The following RPH3A variants were observed in gnomAD, a reference collection of about 807,000 sequenced individuals.
RPH3A encodes the protein rabphilin-3A.
In RPH3A, 48 loss-of-function variants were observed where a neutral mutation model predicts 102.2. The ratio of observed to expected loss-of-function variants is 0.47; its 90% CI spans 0.37 to 0.60. The LOEUF is 0.60. RPH3A is among the 20% of genes least tolerant of loss of function. The pLI is 0.00. For missense variants in RPH3A, 781 were observed against 910.1 expected (o/e 0.86, Z 1.83); for synonymous variants, 310 against 324.3 (o/e 0.96, Z 0.47).
intron 3 of RPH3A, among the ~76,000 whole-genome samples, chr12:112,828,733 C>T (rs375568557): frequency 2.0e-5 from 3 of 152,146 alleles, no homozygotes; most frequent in African/African-American, 7.2e-5. Context: ...CCCTAGTTAC[C>T]TCATCGGTCA....
chr12:112,853,315 G>C (rs140324499), intron 5 of RPH3A, among the ~76,000 whole-genome samples: 150 of 152,328 alleles, frequency 9.8e-4, no homozygotes, highest in African/African-American at 3.1e-3. Context: ...CTATGGATGG[G>C]AGTCAGGGAC....
intron 1 of RPH3A, among the ~76,000 whole-genome samples, chr12:112,712,998 C>G (rs1382000250): frequency 1.4e-5 from 1 of 74,006 alleles, no homozygotes. Context: ...TCTTTGTCTT[C>G]CTCTTCCTCT....
chr12:112,758,538 G>A (rs552871421), intron 1 of RPH3A, among the ~76,000 whole-genome samples: 4 of 152,190 alleles, frequency 2.6e-5, no homozygotes, highest in Non-Finnish European at 5.9e-5. Flanking sequence ...CACCTACTAT[G>A]TGAGAACTTT....
At chr12:112,677,979 C>G (rs1262140391) in intron 1 of RPH3A, among the ~76,000 whole-genome samples, 3 of 151,794 alleles carry the variant, frequency 2.0e-5, no homozygotes, top group Non-Finnish European at 4.4e-5. Context: ...TCACTTGAGG[C>G]CAGGAGTTCG....
At chr12:112,844,871 A>G (rs993848705) in intron 4 of RPH3A, among the ~76,000 whole-genome samples, 1 of 152,218 alleles carries the variant, frequency 6.6e-6, no homozygotes, top group East Asian at 1.9e-4. Flanking sequence ...AGCTGCAGAC[A>G]TGTCACCTGG....
chr12:112,858,284 AAAAAAAAAAAG>A (rs2042445431), intron 5 of RPH3A, among the ~76,000 whole-genome samples: 2 of 150,386 alleles, frequency 1.3e-5, no homozygotes, highest in African/African-American at 2.4e-5. Flanking sequence ...AAAAAAAAAA[AAAAAAAAAAAG>A]AAAAGAAAAG....
At position 112,828,326 on chromosome 12, in the gene RPH3A, A is replaced by C; in HGVS notation, c.8A>C (p.Asp3Ala). The change falls in exon 3 of 22, where the codon GAC (aspartate) becomes GCC (alanine). Residue 3 changes from aspartate to alanine, a missense_variant. By Grantham distance (126) the Asp-to-Ala change is moderately radical. Around this residue, in one of 2 missense-constraint regions of RPH3A, gnomAD observed 730 missense variants for 810.0 expected, o/e 0.90. Coordinates refer to ENST00000389385, the MANE Select transcript of RPH3A (RefSeq NM_001143854.2). Reference protein sequence around the residue: MTDTVFSNSSNRW... With the variant: MTATVFSNSSNRW... ...GAGCACTAGACATCTACTATGACTGACACCGTGTTCAGCAACAGTTCTAAC... is the reference window on the plus strand; with the variant it reads ...GAGCACTAGACATCTACTATGACTGCCACCGTGTTCAGCAACAGTTCTAAC... 1 of 1,611,638 alleles carries C rather than the reference A, an allele frequency of 6.2e-7. No homozygotes were observed.
chr12:112,841,987 T>C (rs539107723), intron 4 of RPH3A: 5 of 456,078 alleles, frequency 1.1e-5, no homozygotes, highest in East Asian at 1.4e-4. Context: ...AGGAATTGAT[T>C]TGGACACTGC....
rs1565944731 is a variant in RPH3A at position 112,887,825 on chromosome 12, G to A, written c.1465G>A (p.Gly489Ser). 9 of 1,613,660 alleles carry A rather than the reference G, an allele frequency of 5.6e-6. No individual in the cohort carries two copies. The highest frequency in any genetic ancestry group is 1.3e-5 in the African/African-American group (1 of 74,970). ...RISVCDEDKF[G>S]HNEFIGETRF... Reference sequence around the variant, plus strand: ...CTCCGTCTGTGATGAGGACAAATTTGGCCACAATGAATTTATTGGTGAGAC... The same window carrying A: ...CTCCGTCTGTGATGAGGACAAATTTAGCCACAATGAATTTATTGGTGAGAC... Residue 489 changes from glycine to serine, a missense_variant, in exon 17 of 22, where the codon GGC becomes AGC. Coordinates refer to ENST00000389385, the MANE Select transcript of RPH3A (RefSeq NM_001143854.2).
chr12:112,780,244 A>T (rs1165830790), intron 1 of RPH3A, among the ~76,000 whole-genome samples: 3 of 152,138 alleles, frequency 2.0e-5, no homozygotes, highest in African/African-American at 2.4e-5. Flanking sequence ...CAGGTTTGTT[A>T]CATGGATGTA....
intron 3 of RPH3A, among the ~76,000 whole-genome samples, chr12:112,829,631 G>A (rs1291916763): frequency 6.6e-6 from 1 of 152,022 alleles, no homozygotes; most frequent in Non-Finnish European, 1.5e-5. Context: ...CCTAAACTTG[G>A]TCATTTGAGC....
In RPH3A at chr12:112,656,145, A is replaced by C. The variant is rs540113762; in HGVS notation, c.-140+80826A>C. ...GATGCAGCCACAAGTCTTGGTAAAC[A>C]CAGATGTATGAGGCTGCTTCTGGGC... On this transcript the variant is annotated intron_variant, in intron 1 of 21. Coordinates refer to the RPH3A transcript ENST00000543106. Among the ~76,000 whole-genome samples, 35 of 152,340 alleles carry C rather than the reference A, an allele frequency of 2.3e-4. No individual in the cohort carries two copies. The East Asian group carries it at 5.8e-3, about 25-fold the overall frequency.
At chr12:112,726,454 G>A (rs2040591400) in intron 1 of RPH3A, among the ~76,000 whole-genome samples, 2 of 152,262 alleles carry the variant, frequency 1.3e-5, no homozygotes, top group Middle Eastern at 3.4e-3. Context: ...GGCTTTGAGT[G>A]TACCCAGCAC....
intron 1 of RPH3A, among the ~76,000 whole-genome samples, chr12:112,674,955 C>T (rs2040163398): frequency 6.6e-6 from 1 of 152,128 alleles, no homozygotes. Context: ...GTCACAGTAG[C>T]TGTAGACTAA....
At chr12:112,712,330 A>G (rs1408001913) in intron 1 of RPH3A, among the ~76,000 whole-genome samples, 4 of 152,190 alleles carry the variant, frequency 2.6e-5, no homozygotes, top group Admixed American at 2.6e-4. Context: ...TGTGTTATAG[A>G]TCTAGATTCT....
chr12:112,575,517 CG>C (rs951871062), intron 1 of RPH3A, among the ~76,000 whole-genome samples: 10 of 151,916 alleles, frequency 6.6e-5, no homozygotes, highest in African/African-American at 2.4e-4. Flanking sequence ...GGGAGACCCG[CG>C]CAGGACCCGT....
At chr12:112,837,940 T>G in intron 4 of RPH3A, 1 of 407,624 alleles carries the variant, frequency 2.5e-6, no homozygotes, top group South Asian at 1.8e-5. Flanking sequence ...AATAAACACT[T>G]ACCCCAAGTA....
intron 1 of RPH3A, among the ~76,000 whole-genome samples, chr12:112,709,393 A>G (rs1160942698): frequency 6.6e-6 from 1 of 152,136 alleles, no homozygotes; most frequent in Non-Finnish European, 1.5e-5. Context: ...CTATAAAAAA[A>G]TAAAAAATTA....
intron 5 of RPH3A, among the ~76,000 whole-genome samples, chr12:112,859,798 T>C (rs2042476582): frequency 6.6e-6 from 1 of 152,192 alleles, no homozygotes; most frequent in Non-Finnish European, 1.5e-5. Flanking sequence ...CCCCATAGAA[T>C]TATTCTCTGA....
Sources: allele counts gnomAD v4.1 joint callset (sites outside exome capture counted in the v4.1 genomes callset), GRCh38; gene constraint gnomAD v4.1.1; regional missense constraint gnomAD v4.1.1; transcripts MANE v1.5; gene names NCBI Gene and HGNC (gene_info 2026-07-23, HGNC 2026-07-21).